Variants in C6 observed in about 807,000 individuals in gnomAD.
C6 encodes the protein complement component C6.
C6 carries 101 observed loss-of-function variants against 112.9 expected under a neutral mutation model. The observed-to-expected ratio is 0.89, with a 90% CI of 0.76 to 1.06. The LOEUF (loss-of-function observed/expected upper bound fraction) is 1.06, where lower values mean the gene tolerates loss of function less well. Ranked by LOEUF, C6 falls within the 50% of genes least tolerant of loss-of-function variation. The pLI, the probability that C6 is intolerant of heterozygous loss-of-function variation, is 0.00. For missense variants in C6, 1,202 were observed against 1,104.6 expected (o/e 1.09, Z -1.25); for synonymous variants, 431 against 384.1 (o/e 1.12, Z -1.43).
rs972961860 is a variant in C6, at chr5:41,153,839, G to A, written c.2261C>T (p.Pro754Leu). 2 of 1,613,284 alleles carry A rather than the reference G, an allele frequency of 1.2e-6. No individual in the cohort carries two copies. Among genetic ancestry groups the A allele is most frequent in the Non-Finnish European group, 8.5e-7 (1 of 1,179,696 alleles). Residue 754 changes from proline to leucine, a missense_variant, in exon 15 of 18, where the codon CCC (proline) becomes CTC (leucine). Physicochemically the swap from Pro to Leu is moderately conservative, Grantham distance 98. Coordinates refer to ENST00000337836, the MANE Select transcript of C6 (RefSeq NM_000065.5). ...YTCQGNSWTP[P>L]ISNSLTCEKD... ...TTCACAGGTGAGAGAGTTTGAAATG[G>A]GTGGTGTCCAGGAATTCCCCTGGCA...
chr5:41,217,148 T>C (rs554759525), upstream of C6, among the ~76,000 whole-genome samples: 8 of 152,230 alleles, frequency 5.3e-5, no homozygotes, highest in African/African-American at 1.4e-4. Context: ...TCCAAATGTA[T>C]TTCCTTCTTA....
At position 41,160,190 on chromosome 5, in the gene C6, C is replaced by T; in HGVS notation, c.1636G>A (p.Gly546Ser). ...GTECLCVCQS[G>S]TYGENCEKQS... is the part of the protein sequence containing the mutation. ...TTCTCACAGTTCTCACCATAGGTGC[C>T]ACTCTGACACACACACAGACATTCA... Residue 546 changes from glycine to serine, a missense_variant, in exon 11 of 18, where the codon GGC becomes AGC. Coordinates refer to ENST00000337836, the MANE Select transcript of C6 (RefSeq NM_000065.5). 6.2e-7 allele frequency: 1 copy of T among 1,613,854 alleles called. No individual in the cohort carries two copies. Among genetic ancestry groups the T allele is most frequent in the Non-Finnish European group, 8.5e-7 (1 of 1,179,814 alleles).
intron 9 of C6, among the ~76,000 whole-genome samples, chr5:41,170,760 G>T (rs763642229): frequency 1.3e-4 from 20 of 152,190 alleles, no homozygotes; most frequent in Admixed American, 3.9e-4. Context: ...CCATGAGAAG[G>T]TAAGCTTCAA....
At chr5:41,197,884 T>C (rs1750727567) in intron 4 of C6, among the ~76,000 whole-genome samples, 1 of 152,174 alleles carries the variant, frequency 6.6e-6, no homozygotes, top group African/African-American at 2.4e-5. Flanking sequence ...ACAGTTTGAA[T>C]ATTGCAGGAT....
At chr5:41,208,505 T>A (rs2150383260) in intron 1 of C6, among the ~76,000 whole-genome samples, 2 of 151,658 alleles carry the variant, frequency 1.3e-5, no homozygotes, top group East Asian at 3.9e-4. Context: ...GAGAGAAGAA[T>A]GAAATAGACA....
At chr5:41,242,541 T>G (rs1468509804) in intron 1 of C6, among the ~76,000 whole-genome samples, 1 of 152,194 alleles carries the variant, frequency 6.6e-6, no homozygotes, top group Non-Finnish European at 1.5e-5. Context: ...AAAGTTACAT[T>G]TTAGAATACA....
intron 17 of C6, among the ~76,000 whole-genome samples, chr5:41,147,274 T>C (rs913729847): frequency 2.6e-5 from 4 of 152,194 alleles, no homozygotes; most frequent in Admixed American, 6.5e-5. Context: ...AGAGTTTTTG[T>C]CTAAAAAGTT....
At chr5:41,243,796 A>C (rs1415766652) in intron 1 of C6, among the ~76,000 whole-genome samples, 2 of 152,072 alleles carry the variant, frequency 1.3e-5, no homozygotes, top group Non-Finnish European at 2.9e-5. Context: ...CAGAGAGTTA[A>C]TGATGCTAAG....
intron 1 of C6, among the ~76,000 whole-genome samples, chr5:41,253,374 AT>A (rs947713958): frequency 4.6e-5 from 7 of 151,934 alleles, no homozygotes; most frequent in African/African-American, 1.7e-4. Flanking sequence ...CCAAATTTTT[AT>A]CTCATAAATC....
chr5:41,243,694 T>G (rs749435031), intron 1 of C6, among the ~76,000 whole-genome samples: 5 of 152,190 alleles, frequency 3.3e-5, no homozygotes, highest in Admixed American at 6.5e-5. Flanking sequence ...CACCAAAGCC[T>G]ACTTAATGAA....
intron 1 of C6, among the ~76,000 whole-genome samples, chr5:41,242,053 C>A (rs558201542): frequency 6.6e-6 from 1 of 152,226 alleles, no homozygotes; most frequent in South Asian, 2.1e-4. Flanking sequence ...AAGTTTAAGA[C>A]TTTTTTCCTC....
intron 1 of C6, among the ~76,000 whole-genome samples, chr5:41,227,477 T>A (rs1046157320): frequency 1.3e-5 from 2 of 152,174 alleles, no homozygotes; most frequent in Admixed American, 6.6e-5. Flanking sequence ...CATTTACCTA[T>A]CTTTGCTTTT....
At chr5:41,206,363 C>T (rs182311608) in intron 1 of C6, among the ~76,000 whole-genome samples, 104 of 152,256 alleles carry the variant, frequency 6.8e-4, no homozygotes, top group Non-Finnish European at 1.2e-3. Flanking sequence ...CAAAGCTGAA[C>T]GGAGAATGAC....
intron 1 of C6, among the ~76,000 whole-genome samples, chr5:41,251,944 A>C (rs1741388459): frequency 2.0e-5 from 3 of 152,218 alleles, no homozygotes; most frequent in South Asian, 4.1e-4. Context: ...CTGTAAATGC[A>C]TGAAACTCAA....
chr5:41,243,362 C>A (rs1170180085), intron 1 of C6, among the ~76,000 whole-genome samples: 1 of 152,230 alleles, frequency 6.6e-6, no homozygotes, highest in South Asian at 2.1e-4. Flanking sequence ...AGCACATTTT[C>A]TATTATTTTG....
At chr5:41,143,505 A>G (rs1295576044) in intron 17 of C6, among the ~76,000 whole-genome samples, 2 of 152,106 alleles carry the variant, frequency 1.3e-5, no homozygotes, top group African/African-American at 4.8e-5. Flanking sequence ...CATCGTTATC[A>G]TTTGTAGAGC....
At chr5:41,255,358 T>TAA (rs35687201) in intron 1 of C6, among the ~76,000 whole-genome samples, 16,252 of 144,172 alleles carry the variant, frequency 0.11, 982 homozygotes, top group Admixed American at 0.2. Context: ...GAGATTCCGT[T>TAA]AAAAAAAAAA....
At chr5:41,239,380 G>A (rs1740554008) in intron 1 of C6, among the ~76,000 whole-genome samples, 1 of 152,026 alleles carries the variant, frequency 6.6e-6, no homozygotes, top group Non-Finnish European at 1.5e-5. Context: ...CCAAAGTGCT[G>A]GGGTTACAGG....
chr5:41,208,067 A>C (rs1751582699), intron 1 of C6, among the ~76,000 whole-genome samples: 1 of 151,814 alleles, frequency 6.6e-6, no homozygotes, highest in Admixed American at 6.6e-5. Flanking sequence ...CAGGGTTAAG[A>C]AACTCAAAAC....
Sources: gnomAD v4.1 joint callset for allele counts (sites outside exome capture counted in the v4.1 genomes callset) on GRCh38, gnomAD v4.1.1 for gene constraint, MANE v1.5 for transcripts, NCBI Gene and HGNC (gene_info 2026-07-23, HGNC 2026-07-21) for gene names.